Variants in ATP13A3 observed in about 807,000 individuals in gnomAD.
The protein encoded by ATP13A3 is ATPase 13A3.
ATP13A3 carries 59 observed loss-of-function variants against 158.1 expected under a neutral mutation model. That is an observed-to-expected ratio of 0.37 (90% CI 0.30 to 0.46). The LOEUF (loss-of-function observed/expected upper bound fraction) is 0.46, where lower values mean the gene tolerates loss of function less well. Ranked by LOEUF, ATP13A3 falls within the 20% of genes least tolerant of loss-of-function variation. ATP13A3 has a pLI of 1.00. For missense variants in ATP13A3, 1,166 were observed against 1,525.2 expected (o/e 0.76, Z 3.92); for synonymous variants, 491 against 504.3 (o/e 0.97, Z 0.35).
intron 20 of ATP13A3, among the ~76,000 whole-genome samples, chr3:194,434,119 C>T (rs912509827): frequency 6.6e-6 from 1 of 152,186 alleles, no homozygotes; most frequent in Non-Finnish European, 1.5e-5. Flanking sequence ...TCACTGTACA[C>T]TAAACAATTC....
At chr3:194,492,722 C>G (rs924680519) in intron 2 of ATP13A3, among the ~76,000 whole-genome samples, 3 of 152,166 alleles carry the variant, frequency 2.0e-5, no homozygotes, top group Non-Finnish European at 2.9e-5. Context: ...TCCAAAAGTG[C>G]TGGGATTACA....
chr3:194,476,596 T>C (rs1302358022), intron 2 of ATP13A3, among the ~76,000 whole-genome samples: 1 of 152,118 alleles, frequency 6.6e-6, no homozygotes, highest in Non-Finnish European at 1.5e-5. Flanking sequence ...ACCATGCCTA[T>C]CTCCATCAGC....
chr3:194,454,138 T>G (rs915926393), intron 9 of ATP13A3, 120 bp downstream of exon 9: 1 of 1,040,458 alleles, frequency 9.6e-7, no homozygotes, highest in African/African-American at 1.6e-5. Context: ...CATATATTCA[T>G]GCAACTAAAA....
In ATP13A3 at chr3:194,403,279, G is replaced by A. The variant is rs992507208; in HGVS notation, c.*2640C>T. The stretch of plus-strand genomic sequence containing the variant: ...TGCAAGTGCAATTGGGAAAGCTTTC[G>A]AATTTCAGGATTATAAAACTACTAT... On this transcript the variant is annotated 3_prime_UTR_variant, in exon 34 of 34. Transcript: ENST00000645319. 1.3e-5 allele frequency: 2 copies of A among 152,166 alleles called. No homozygotes were observed. The highest frequency in any genetic ancestry group is 2.1e-4 in the South Asian group (1 of 4,824). The allele number at this position is 152,166 out of a possible 1,614,324, so 9.4% of individuals were successfully genotyped here.
intron 9 of ATP13A3, 123 bp from the exon 10 acceptor site, chr3:194,453,901 C>T (rs752296460): frequency 2.0e-4 from 147 of 732,392 alleles, no homozygotes; most frequent in Admixed American, 6.9e-4. Flanking sequence ...TATAAAATGT[C>T]GAGTCAGAAA....
intron 14 of ATP13A3, among the ~76,000 whole-genome samples, chr3:194,445,474 G>A (rs1718338672): frequency 6.6e-6 from 1 of 152,162 alleles, no homozygotes; most frequent in South Asian, 2.1e-4. Context: ...AATGTCTGAT[G>A]CTGTCCCCTT....
In ATP13A3 at chr3:194,450,157, T is replaced by C; in HGVS notation, c.958A>G (p.Ser320Gly). 1 of 1,613,882 alleles carries C rather than the reference T, an allele frequency of 6.2e-7. No homozygotes were observed. Among genetic ancestry groups the C allele is most frequent in the African/African-American group, 1.3e-5 (1 of 75,034 alleles). ...LINGTCIVNE[S>G]MLTGESVPVT... ...TCATTTAGCTTACCTGTTAACATGC[T>C]TTCGTTTACAATGCAGGTACCATTA... Residue 320 changes from serine to glycine, a missense_variant, in exon 11 of 34, where the codon AGC becomes GGC. Coordinates refer to ENST00000645319, the MANE Select transcript of ATP13A3 (RefSeq NM_001367549.1).
chr3:194,446,058 A>G (rs1447240447), intron 14 of ATP13A3, among the ~76,000 whole-genome samples: 1 of 152,210 alleles, frequency 6.6e-6, no homozygotes, highest in African/African-American at 2.4e-5. Context: ...CTAAAAAATT[A>G]AAGGTCACGT....
At chr3:194,492,348 T>A (rs565792821) in intron 2 of ATP13A3, among the ~76,000 whole-genome samples, 1 of 152,190 alleles carries the variant, frequency 6.6e-6, no homozygotes, top group East Asian at 1.9e-4. Flanking sequence ...CCTCGATATC[T>A]ACAGGGAATT....
chr3:194,419,506 GA>G (rs1262222187), intron 31 of ATP13A3, among the ~76,000 whole-genome samples: 4 of 152,096 alleles, frequency 2.6e-5, no homozygotes, highest in Non-Finnish European at 5.9e-5. Context: ...TCATTACTCA[GA>G]AAGTTTTTAA....
chr3:194,475,305 C>T (rs1293664995), intron 2 of ATP13A3, among the ~76,000 whole-genome samples: 1 of 152,202 alleles, frequency 6.6e-6, no homozygotes, highest in Non-Finnish European at 1.5e-5. Flanking sequence ...TAGTTTTCCT[C>T]ATGATCTACA....
chr3:194,432,307 C>G (rs566493615), intron 21 of ATP13A3, among the ~76,000 whole-genome samples: 9 of 152,206 alleles, frequency 5.9e-5, no homozygotes, highest in African/African-American at 1.4e-4. Flanking sequence ...TGATGAATTA[C>G]AAAAGCAAGA....
chr3:194,432,035 T>C, intron 21 of ATP13A3, 143 bp from the exon 22 acceptor site: 1 of 646,856 alleles, frequency 1.5e-6, no homozygotes, highest in Non-Finnish European at 2.3e-6. Context: ...ACTTACAGTT[T>C]AAAAATAACA....
At chr3:194,447,233 T>G in intron 13 of ATP13A3, 118 bp from the exon 14 acceptor site, 1 of 823,906 alleles carries the variant, frequency 1.2e-6, no homozygotes, top group Non-Finnish European at 1.9e-6. Context: ...ATTTTATGTA[T>G]GTGTGTGTAT....
At chr3:194,413,647 C>G (rs1240222999) in intron 32 of ATP13A3, 112 bp downstream of exon 32, 7 of 965,590 alleles carry the variant, frequency 7.2e-6, no homozygotes, top group Non-Finnish European at 9.9e-6. Flanking sequence ...TGAGATGAAA[C>G]TGAGACTCTG....
At chr3:194,421,944 C>CAAAAAAAAAAAAAAAAAA (rs397972334) in intron 30 of ATP13A3, among the ~76,000 whole-genome samples, 51 of 97,430 alleles carry the variant, frequency 5.2e-4, no homozygotes, top group African/African-American at 8.2e-4. Flanking sequence ...GTGTCGTTGG[C>CAAAAAAAAAAAAAAAAAA]AAAAAAAAAA....
chr3:194,441,868 T>C (rs1009948034), intron 15 of ATP13A3, among the ~76,000 whole-genome samples: 1 of 152,124 alleles, frequency 6.6e-6, no homozygotes, highest in African/African-American at 2.4e-5. Flanking sequence ...CCCACAGACC[T>C]AAAGGCATTA....
intron 2 of ATP13A3, among the ~76,000 whole-genome samples, chr3:194,462,556 A>C (rs1719736422): frequency 6.6e-6 from 1 of 152,226 alleles, no homozygotes; most frequent in Non-Finnish European, 1.5e-5. Flanking sequence ...GAACAGTTTC[A>C]TCCCGAAACC....
chr3:194,438,822 C>T (rs373564980), intron 17 of ATP13A3, 34 bp downstream of exon 17: 14 of 1,330,956 alleles, frequency 1.1e-5, no homozygotes, highest in Non-Finnish European at 1.5e-5. Context: ...AAGTAACCAC[C>T]AACAGTTTTA....
Sources: allele counts gnomAD v4.1 joint callset (sites outside exome capture counted in the v4.1 genomes callset), GRCh38; gene constraint gnomAD v4.1.1; transcripts MANE v1.5; gene names NCBI Gene and HGNC (gene_info 2026-07-23, HGNC 2026-07-21).